The following CNTN5 variants were observed in gnomAD, a reference collection of about 807,000 sequenced individuals.
CNTN5 encodes the protein contactin-5.
CNTN5 carries 77 observed loss-of-function variants against 129.1 expected under a neutral mutation model. The observed-to-expected ratio is 0.60, with a 90% CI of 0.50 to 0.72. CNTN5 has a LOEUF of 0.72. Among genes scored for constraint, CNTN5 ranks in the 30% least tolerant of loss-of-function variants. CNTN5 has a pLI of 0.00. For missense variants in CNTN5, 1,478 were observed against 1,328.8 expected (o/e 1.11, Z -1.75); for synonymous variants, 509 against 465.6 (o/e 1.09, Z -1.20).
At chr11:99,972,641 T>C (rs1327709597) in intron 8 of CNTN5, among the ~76,000 whole-genome samples, 1 of 152,134 alleles carries the variant, frequency 6.6e-6, no homozygotes, top group East Asian at 1.9e-4. Flanking sequence ...GCAGAGTCCT[T>C]CAGAAAATTT....
intron 1 of CNTN5, among the ~76,000 whole-genome samples, chr11:99,162,496 G>A (rs1034987813): frequency 2.0e-5 from 3 of 151,892 alleles, no homozygotes; most frequent in African/African-American, 7.3e-5. Context: ...ATCTATCTCT[G>A]GATTTCAATC....
Position 99,726,004 on chromosome 11 carries a change from T to G in CNTN5, c.56-93540T>G, listed in dbSNP as rs79161743. On this transcript the variant is annotated intron_variant, in intron 3 of 24. Coordinates refer to ENST00000524871, the MANE Select transcript of CNTN5 (RefSeq NM_014361.4). ...AGAATATTGTCATGCAAGTCTTACTTATTTGGCTATTCTGAAGTAGCCAAC... is the reference window on the plus strand; with the variant it reads ...AGAATATTGTCATGCAAGTCTTACTGATTTGGCTATTCTGAAGTAGCCAAC... 4.4e-3 allele frequency among the ~76,000 whole-genome samples: 669 copies of G among 152,340 alleles called. 8 individuals are homozygous for G. Among genetic ancestry groups the G allele is most frequent in the African/African-American group, 0.015 (633 of 41,580 alleles).
intron 1 of CNTN5, among the ~76,000 whole-genome samples, chr11:99,323,432 C>T (rs188585085): frequency 5.3e-4 from 81 of 152,208 alleles, no homozygotes; most frequent in African/African-American, 1.9e-3. Flanking sequence ...CACAACAATA[C>T]AGTTCATTAT....
chr11:100,288,566 C>G (rs1188368320), intron 18 of CNTN5, among the ~76,000 whole-genome samples: 1 of 151,954 alleles, frequency 6.6e-6, no homozygotes, highest in African/African-American at 2.4e-5. Flanking sequence ...CCAACGAGAA[C>G]AAAGACACAA....
chr11:100,010,182 AT>A (rs1437153698), intron 9 of CNTN5, among the ~76,000 whole-genome samples: 2 of 152,124 alleles, frequency 1.3e-5, no homozygotes, highest in Non-Finnish European at 2.9e-5. Context: ...ATAATTAAAC[AT>A]TGGTGATGTT....
At chr11:99,961,284 C>T (rs565989721) in intron 8 of CNTN5, among the ~76,000 whole-genome samples, 63 of 150,626 alleles carry the variant, frequency 4.2e-4, no homozygotes, top group African/African-American at 1.5e-3. Context: ...AAGAAGTGGG[C>T]ATGTAGTTAA....
intron 10 of CNTN5, among the ~76,000 whole-genome samples, chr11:100,070,165 CAAAA>C (rs3061793): frequency 9.2e-6 from 1 of 109,252 alleles, no homozygotes. Context: ...ACTTAAAGTC[CAAAA>C]AAAAAAAAAA....
At chr11:100,321,436 T>G (rs1288738681) in intron 21 of CNTN5, among the ~76,000 whole-genome samples, 1 of 152,124 alleles carries the variant, frequency 6.6e-6, no homozygotes, top group East Asian at 1.9e-4. Flanking sequence ...TTGCTTATCA[T>G]TCCTAAGAGT....
At chr11:100,097,529 T>C (rs963129279) in intron 13 of CNTN5, among the ~76,000 whole-genome samples, 1 of 152,082 alleles carries the variant, frequency 6.6e-6, no homozygotes, top group African/African-American at 2.4e-5. Flanking sequence ...AAAGAAGTTA[T>C]TCCTGGCAAT....
intron 1 of CNTN5, among the ~76,000 whole-genome samples, chr11:99,297,831 C>G (rs1864454980): frequency 6.6e-6 from 1 of 152,142 alleles, no homozygotes; most frequent in African/African-American, 2.4e-5. Context: ...TTTATAACCC[C>G]TGCAATATTA....
chr11:99,946,591 T>C (rs1950557973), intron 7 of CNTN5, among the ~76,000 whole-genome samples: 1 of 151,896 alleles, frequency 6.6e-6, no homozygotes, highest in Non-Finnish European at 1.5e-5. Context: ...GGCAAAAAAG[T>C]AAGAGAAAGG....
At chr11:100,258,818 A>T (rs905921512) in intron 17 of CNTN5, among the ~76,000 whole-genome samples, 1 of 152,102 alleles carries the variant, frequency 6.6e-6, no homozygotes, top group Non-Finnish European at 1.5e-5. Flanking sequence ...AAAGGAAAAA[A>T]CCCATACAGC....
rs1944847413 is a variant in CNTN5, at chr11:100,092,895, C to T, written c.1580+18601C>T. 1.3e-5 allele frequency among the ~76,000 whole-genome samples: 2 copies of T among 152,030 alleles called. 1 individual carries two copies. The highest frequency in any genetic ancestry group is 4.1e-4 in the South Asian group (2 of 4,824). On this transcript the variant is annotated intron_variant, in intron 13 of 24. Coordinates refer to ENST00000524871, the MANE Select transcript of CNTN5 (RefSeq NM_014361.4). ...CCTGGTGCTTGCAATGACACTGAAA[C>T]AAGATGTGCTTTTTAACATATAGGC...
chr11:99,254,140 A>T (rs986071569), intron 1 of CNTN5, among the ~76,000 whole-genome samples: 1 of 151,860 alleles, frequency 6.6e-6, no homozygotes, highest in South Asian at 2.1e-4. Flanking sequence ...GCTATATTAG[A>T]TCATACAAAG....
intron 9 of CNTN5, among the ~76,000 whole-genome samples, chr11:100,035,037 T>C (rs1941908867): frequency 6.6e-6 from 1 of 152,142 alleles, no homozygotes; most frequent in Admixed American, 6.5e-5. Flanking sequence ...TTGTTACATA[T>C]GGATCCATGT....
At chr11:99,929,723 G>A (rs1046502710) in intron 7 of CNTN5, among the ~76,000 whole-genome samples, 1 of 152,098 alleles carries the variant, frequency 6.6e-6, no homozygotes, top group Non-Finnish European at 1.5e-5. Flanking sequence ...ATCCTCCACT[G>A]GTTCCCTCCT....
At chr11:99,608,306 C>T (rs1157265721) in intron 3 of CNTN5, among the ~76,000 whole-genome samples, 1 of 152,044 alleles carries the variant, frequency 6.6e-6, no homozygotes, top group Non-Finnish European at 1.5e-5. Flanking sequence ...TGTTTGCTTG[C>T]CCAGGAAACT....
chr11:99,130,823 A>G (rs1858896638), intron 1 of CNTN5, among the ~76,000 whole-genome samples: 1 of 152,160 alleles, frequency 6.6e-6, no homozygotes, highest in Non-Finnish European at 1.5e-5. Flanking sequence ...AAAACCACAC[A>G]ACTACATAGA....
At chr11:99,303,751 G>A (rs919316185) in intron 1 of CNTN5, among the ~76,000 whole-genome samples, 4 of 151,834 alleles carry the variant, frequency 2.6e-5, no homozygotes, top group Non-Finnish European at 4.4e-5. Context: ...ATTTTCTTTG[G>A]TGATTGCATA....
Sources: gnomAD v4.1 joint callset for allele counts (sites outside exome capture counted in the v4.1 genomes callset) on GRCh38, gnomAD v4.1.1 for gene constraint, MANE v1.5 for transcripts, NCBI Gene and HGNC (gene_info 2026-07-23, HGNC 2026-07-21) for gene names.